Variants in BLTP1 observed in about 807,000 individuals in gnomAD.
The protein encoded by BLTP1 is fragile site-associated protein.
chr4:122,322,439 A>C, the BLTP1 span, among the ~76,000 whole-genome samples: 7 of 151,592 alleles, frequency 4.6e-5, no homozygotes, highest in Non-Finnish European at 8.8e-5. Flanking sequence ...TGTCCACTTT[A>C]TGTTAGAGCC....
At chr4:122,271,700 T>A in the BLTP1 span, 3 of 1,574,952 alleles carry the variant, frequency 1.9e-6, no homozygotes, top group African/African-American at 4.1e-5. Flanking sequence ...ATTGGAAAAG[T>A]CTTCAGAAAC....
chr4:122,193,658 T>C, the BLTP1 span: 1 of 867,240 alleles, frequency 1.2e-6, no homozygotes, highest in East Asian at 1.2e-4. Flanking sequence ...TAAAATTAGT[T>C]AAATTAGTTT....
At chr4:122,313,038 T>G in the BLTP1 span, 1 of 218,166 alleles carries the variant, frequency 4.6e-6, no homozygotes, top group Non-Finnish European at 7.8e-6. Flanking sequence ...AGTTACCAGA[T>G]TAAAGCCAGT....
At chr4:122,187,705 T>A in the BLTP1 span, 1 of 457,236 alleles carries the variant, frequency 2.2e-6, no homozygotes, top group Non-Finnish European at 2.9e-6. Context: ...TAAATTTCTT[T>A]AAGTACTTAA....
At chr4:122,194,723 C>T in the BLTP1 span, 1 of 822,708 alleles carries the variant, frequency 1.2e-6, no homozygotes. Context: ...TATTTAATTT[C>T]ATTATGTATT....
chr4:122,246,610 C>T, the BLTP1 span: 2 of 1,529,240 alleles, frequency 1.3e-6, no homozygotes, highest in African/African-American at 1.4e-5. Flanking sequence ...AGTAGTTTTT[C>T]ATTTTTGTGC....
chr4:122,195,688 C>G, the BLTP1 span: 5 of 820,372 alleles, frequency 6.1e-6, no homozygotes, highest in Non-Finnish European at 4.4e-6. Flanking sequence ...CAATGATCAT[C>G]TAATGGATTC....
chr4:122,292,941 T>C, the BLTP1 span: 1 of 377,160 alleles, frequency 2.7e-6, no homozygotes, highest in African/African-American at 2.2e-5. Context: ...AAGGAACTGA[T>C]ACCCCAAAGG....
chr4:122,200,650 C>T, the BLTP1 span: 2 of 983,108 alleles, frequency 2.0e-6, no homozygotes, highest in South Asian at 4.7e-5. Context: ...CAGTACGCAT[C>T]ACACTCTATC....
the BLTP1 span, among the ~76,000 whole-genome samples, chr4:122,248,415 A>G: frequency 1.3e-5 from 2 of 152,204 alleles, no homozygotes; most frequent in South Asian, 2.1e-4. Context: ...GTAAAAATGT[A>G]GATGTCTTTG....
At chr4:122,164,446 C>T in the BLTP1 span, 1 of 983,464 alleles carries the variant, frequency 1.0e-6, no homozygotes, top group Non-Finnish European at 1.2e-6. Context: ...TCTCCTTCCA[C>T]TGATTAGATT....
chr4:122,278,114 G>A, the BLTP1 span, among the ~76,000 whole-genome samples: 32 of 151,940 alleles, frequency 2.1e-4, no homozygotes, highest in Middle Eastern at 3.4e-3. Context: ...TTTTTAAGTC[G>A]TTTCAGTTCA....
chr4:122,223,027 C>T, the BLTP1 span: 5 of 876,106 alleles, frequency 5.7e-6, no homozygotes, highest in Non-Finnish European at 6.8e-6. Context: ...GTCTCAGCGT[C>T]AGAAGATAAC....
the BLTP1 span, chr4:122,299,682 G>A: frequency 1.6e-5 from 6 of 378,444 alleles, no homozygotes; most frequent in African/African-American, 1.3e-4. Flanking sequence ...CAACAGGGAT[G>A]GGAAGAGGTA....
chr4:122,281,972 G>T, the BLTP1 span: 8 of 984,612 alleles, frequency 8.1e-6, no homozygotes, highest in Non-Finnish European at 9.6e-6. Flanking sequence ...TGACCAGAAT[G>T]AACTCTTTTG....
chr4:122,281,556 A>T, the BLTP1 span: 1 of 1,599,384 alleles, frequency 6.3e-7, no homozygotes, highest in South Asian at 1.1e-5. Context: ...GTAAAAGAAG[A>T]TATTGCAACC....
chr4:122,237,762 A>G, the BLTP1 span: 1 of 250,222 alleles, frequency 4.0e-6, no homozygotes, highest in Non-Finnish European at 6.3e-6. Flanking sequence ...AGGAGGGCGG[A>G]TCACGAAGTC....
At chr4:122,358,633 C>T in the BLTP1 span, among the ~76,000 whole-genome samples, 2 of 152,168 alleles carry the variant, frequency 1.3e-5, no homozygotes, top group African/African-American at 4.8e-5. Flanking sequence ...CAGGCCTTAA[C>T]TGAACAGGGC....
At chr4:122,165,293 A>G in the BLTP1 span, among the ~76,000 whole-genome samples, 4 of 151,614 alleles carry the variant, frequency 2.6e-5, no homozygotes, top group South Asian at 2.1e-4. Flanking sequence ...TCACTGTTCA[A>G]TTCCCACCTA....
Sources: gnomAD v4.1 joint callset for allele counts (sites outside exome capture counted in the v4.1 genomes callset) on GRCh38, gnomAD v4.1.1 for gene constraint, MANE v1.5 for transcripts, NCBI Gene and HGNC (gene_info 2026-07-23, HGNC 2026-07-21) for gene names.